The following CD36 variants were observed in gnomAD, a reference collection of about 807,000 sequenced individuals.
CD36 encodes the protein platelet glycoprotein 4.
In CD36, 119 loss-of-function variants were observed where a neutral mutation model predicts 55.2. The observed-to-expected ratio is 2.15, with a 90% CI of 1.86 to 2.51. The LOEUF (loss-of-function observed/expected upper bound fraction) is 2.51. Ranked by LOEUF, CD36 falls within the 30% of genes most tolerant of loss-of-function variation. The pLI is 0.00. For synonymous variants in CD36, 186 were observed against 193.6 expected, an observed-to-expected ratio of 0.96 and a Z score of 0.33; for missense variants, 819 against 555.5, an observed-to-expected ratio of 1.47 and a Z score of -4.77.
intron 3 of CD36, among the ~76,000 whole-genome samples, chr7:80,655,942 A>G (rs1241319053): frequency 7.6e-6 from 1 of 130,748 alleles, no homozygotes; most frequent in Non-Finnish European, 1.7e-5. Flanking sequence ...AAAGAAAAGA[A>G]AAAGAAAAAG....
At chr7:80,646,627 T>G (rs1271631429) in intron 2 of CD36, 25 bp from the exon 3 acceptor site, 1 of 1,283,634 alleles carries the variant, frequency 7.8e-7, no homozygotes, top group Non-Finnish European at 1.1e-6. Context: ...TAAGCTTCTG[T>G]TTTATGATCT....
chr7:80,663,190 G>A (rs773964544), intron 6 of CD36, 21 bp downstream of exon 6: 2 of 1,575,528 alleles, frequency 1.3e-6, no homozygotes, highest in Non-Finnish European at 1.7e-6. Flanking sequence ...AATATGAATG[G>A]CAATATTATT....
chr7:80,615,230 T>C (rs1471199709), intron 1 of CD36, among the ~76,000 whole-genome samples: 1 of 152,154 alleles, frequency 6.6e-6, no homozygotes, highest in Non-Finnish European at 1.5e-5. Context: ...ACCCAATTTA[T>C]TGCTTTTCAT....
rs983579710 is a variant in CD36 at position 80,678,726 on chromosome 7, G to T, written c.*2343G>T. 1 of 152,060 alleles carries T rather than the reference G, an allele frequency of 6.6e-6. No individual in the cohort carries two copies. The highest frequency in any genetic ancestry group is 6.6e-5 in the Admixed American group (1 of 15,258). The allele number at this position is 152,060 out of a possible 1,614,324, so 9.4% of individuals were successfully genotyped here. A position where few individuals can be genotyped will look rare whatever the true frequency, so the allele number is the denominator to read the frequency against. On this transcript the variant is annotated 3_prime_UTR_variant, in exon 15 of 15. Coordinates refer to ENST00000447544, the MANE Select transcript of CD36 (RefSeq NM_001001548.3). ...AAATGAGCGGGGTGTGGTGGCCCATGCCTGTAGTCCCAGCTGCTCGGGAGA... is the reference window on the plus strand; with the variant it reads ...AAATGAGCGGGGTGTGGTGGCCCATTCCTGTAGTCCCAGCTGCTCGGGAGA...
At position 80,662,562 on chromosome 7, in the gene CD36, C is replaced by A. The variant is rs543084018; in HGVS notation, c.430-428C>A. On this transcript the variant is annotated intron_variant, in intron 5 of 14. Coordinates refer to ENST00000447544, the MANE Select transcript of CD36 (RefSeq NM_001001548.3). ...CCATTTCTGTCACGTGTGGCTCCAGCGCCTTTGGGACCAGACTTATGGCTT... is the reference window on the plus strand; with the variant it reads ...CCATTTCTGTCACGTGTGGCTCCAGAGCCTTTGGGACCAGACTTATGGCTT... 37 of 272,574 alleles carry A rather than the reference C, an allele frequency of 1.4e-4. 1 individual carries two copies. The highest frequency in any genetic ancestry group is 1.6e-3 in the Middle Eastern group (1 of 616). 16.9% of individuals were successfully genotyped at this position (272,574 alleles called of 1,614,324 possible).
At chr7:80,663,850 T>C (rs1482062455) in intron 6 of CD36, among the ~76,000 whole-genome samples, 2 of 152,160 alleles carry the variant, frequency 1.3e-5, no homozygotes, top group Non-Finnish European at 2.9e-5. Context: ...TAGTTCATTG[T>C]TTTACTTTTA....
upstream of CD36, among the ~76,000 whole-genome samples, chr7:80,637,909 T>C (rs984442122): frequency 1.4e-4 from 1 of 7,128 alleles, no homozygotes; most frequent in Non-Finnish European, 0.02. Context: ...AACATAATGC[T>C]TTTTTTTTTT....
rs758299005 is a variant in CD36 at position 80,664,502 on chromosome 7, G to A, written c.701+5G>A. 10 of 1,446,780 alleles carry A rather than the reference G, an allele frequency of 6.9e-6. No individual in the cohort carries two copies. Among genetic ancestry groups the A allele is most frequent in the African/African-American group, 1.4e-5 (1 of 71,458 alleles). The allele number at this position is 1,446,780 out of a possible 1,614,324, so 89.6% of individuals were successfully genotyped here. On this transcript the variant is annotated splice_donor_5th_base_variant and intron_variant, in intron 7 of 14. Coordinates refer to ENST00000447544, the MANE Select transcript of CD36 (RefSeq NM_001001548.3). ...CGACACATATAAAGGTAAAAGGTAA[G>A]TATTCTGGTAAAATGTGCATGTATG...
chr7:80,642,522 G>A (rs1294075606), intron 1 of CD36, among the ~76,000 whole-genome samples: 2 of 152,058 alleles, frequency 1.3e-5, no homozygotes, highest in Non-Finnish European at 2.9e-5. Flanking sequence ...CACGTCTTAC[G>A]TAGTATGGGT....
chr7:80,657,055 C>A (rs1195946180), intron 4 of CD36, among the ~76,000 whole-genome samples: 2 of 152,022 alleles, frequency 1.3e-5, no homozygotes, highest in African/African-American at 2.4e-5. Context: ...CTGAAATATT[C>A]CTGCTGAGGA....
chr7:80,630,319 A>C (rs1233644778), intron 1 of CD36, among the ~76,000 whole-genome samples: 2 of 152,004 alleles, frequency 1.3e-5, no homozygotes, highest in Non-Finnish European at 2.9e-5. Flanking sequence ...GTTTCTTCTA[A>C]TTTAGAGATA....
At chr7:80,622,580 AG>A (rs1448950973) in intron 1 of CD36, among the ~76,000 whole-genome samples, 1 of 152,240 alleles carries the variant, frequency 6.6e-6, no homozygotes, top group Non-Finnish European at 1.5e-5. Context: ...ATTTAGAACA[AG>A]TGTTTGTAAC....
chr7:80,645,096 C>T (rs991841573), intron 1 of CD36, among the ~76,000 whole-genome samples: 11 of 151,380 alleles, frequency 7.3e-5, no homozygotes, highest in Non-Finnish European at 1.3e-4. Context: ...TCTCGGCTCA[C>T]CGCAACCTCC....
intron 1 of CD36, among the ~76,000 whole-genome samples, chr7:80,611,462 G>C (rs946363012): frequency 3.3e-5 from 5 of 152,122 alleles, no homozygotes; most frequent in African/African-American, 1.2e-4. Context: ...ATATACATGA[G>C]AGCCTCCTGA....
At chr7:80,673,866 T>C (rs1439947875) in intron 13 of CD36, 117 bp from the exon 14 acceptor site, 3 of 775,614 alleles carry the variant, frequency 3.9e-6, no homozygotes, top group Non-Finnish European at 6.7e-6. Flanking sequence ...ACTTGCCTTA[T>C]AGATACTGAT....
chr7:80,619,153 A>G (rs1793322829), intron 1 of CD36, among the ~76,000 whole-genome samples: 1 of 152,184 alleles, frequency 6.6e-6, no homozygotes, highest in Admixed American at 6.5e-5. Flanking sequence ...AAATGGAACA[A>G]CAAAGCCTGG....
chr7:80,652,044 G>T (rs1212848059), intron 3 of CD36, among the ~76,000 whole-genome samples: 3 of 151,846 alleles, frequency 2.0e-5, no homozygotes, highest in Non-Finnish European at 4.4e-5. Flanking sequence ...GTATCTAAAA[G>T]CTCAAAAATA....
chr7:80,626,842 A>G (rs1340220730), intron 1 of CD36, among the ~76,000 whole-genome samples: 2 of 152,028 alleles, frequency 1.3e-5, no homozygotes, highest in African/African-American at 4.8e-5. Context: ...TTCTGATTTT[A>G]GTCATGCTTT....
rs915162479 is a variant in CD36, at chr7:80,612,867, C to A, written c.-184+10488C>A. Among the ~76,000 whole-genome samples, 4 of 152,104 alleles carry A rather than the reference C, an allele frequency of 2.6e-5. No homozygotes were observed. The South Asian group carries it at 8.3e-4, about 31-fold the overall frequency. Reference sequence around the variant, plus strand: ...TTGTGGTGAGAACACTTTATATCCACTAAGCATTTTTTAAGAATTCAGATA... The same window carrying A: ...TTGTGGTGAGAACACTTTATATCCAATAAGCATTTTTTAAGAATTCAGATA... On this transcript the variant is annotated intron_variant, in intron 1 of 13. Transcript: ENST00000309881.
Sources: allele counts gnomAD v4.1 joint callset (sites outside exome capture counted in the v4.1 genomes callset), GRCh38; gene constraint gnomAD v4.1.1; transcripts MANE v1.5; gene names NCBI Gene and HGNC (gene_info 2026-07-23, HGNC 2026-07-21).